FAF1: variants seen among roughly 807,000 people sequenced by gnomAD.
The protein encoded by FAF1 is Fas associated factor 1, also known as FAS-associated factor 1.
A neutral mutation model predicts 92.5 loss-of-function variants in FAF1; 25 were observed. That is an observed-to-expected ratio of 0.27 (90% CI 0.20 to 0.38). FAF1 has a LOEUF of 0.38. Ranked by LOEUF, FAF1 falls within the 10% of genes least tolerant of loss-of-function variation. The probability of loss-of-function intolerance (pLI) is 1.00; values close to 1 mark genes in which losing one functional copy is unlikely to be tolerated. For synonymous variants in FAF1, 234 were observed against 273.2 expected (o/e 0.86, Z 1.42); for missense variants, 636 against 793.3 (o/e 0.80, Z 2.38).
intron 13 of FAF1, among the ~76,000 whole-genome samples, chr1:50,558,650 T>C (rs1649715076): frequency 6.6e-6 from 1 of 152,230 alleles, no homozygotes; most frequent in Non-Finnish European, 1.5e-5. Flanking sequence ...TAAAATGTTA[T>C]TCTTTTGGAA....
At chr1:50,550,311 C>T (rs1222850986) in intron 13 of FAF1, among the ~76,000 whole-genome samples, 2 of 150,092 alleles carry the variant, frequency 1.3e-5, no homozygotes, top group African/African-American at 2.5e-5. Context: ...AGATCGCGCC[C>T]CTGCACTCCA....
At chr1:50,895,233 C>A (rs2124704259) in intron 1 of FAF1, among the ~76,000 whole-genome samples, 2 of 152,206 alleles carry the variant, frequency 1.3e-5, no homozygotes, top group South Asian at 4.2e-4. Context: ...GCTACCATGA[C>A]CACCTACATG....
intron 8 of FAF1, among the ~76,000 whole-genome samples, chr1:50,624,363 T>G (rs1480324195): frequency 6.6e-6 from 1 of 152,172 alleles, no homozygotes; most frequent in Non-Finnish European, 1.5e-5. Context: ...CTGGCCAGGC[T>G]GGTTCGAACT....
Position 50,761,173 on chromosome 1 carries a change from C to A in FAF1, c.368-16398G>T, listed in dbSNP as rs967676145. On this transcript the variant is annotated intron_variant, in intron 4 of 18. Transcript: ENST00000396153. Reference sequence around the variant, plus strand: ...AATCTCTGAATAGACCAATAACAGGCTCTGAAATTGAGGCAATAATCAATA... The same window carrying A: ...AATCTCTGAATAGACCAATAACAGGATCTGAAATTGAGGCAATAATCAATA... 3.3e-5 allele frequency among the ~76,000 whole-genome samples: 5 copies of A among 152,242 alleles called. No homozygotes were observed. In the East Asian group the frequency reaches 7.7e-4, roughly 23 times the overall value.
intron 8 of FAF1, among the ~76,000 whole-genome samples, chr1:50,631,590 G>A (rs1653792779): frequency 6.6e-6 from 1 of 152,132 alleles, no homozygotes; most frequent in Non-Finnish European, 1.5e-5. Flanking sequence ...AAAGGAGAAA[G>A]TTCTTGACTT....
intron 1 of FAF1, among the ~76,000 whole-genome samples, chr1:50,915,178 T>C (rs933497850): frequency 2.0e-5 from 3 of 152,044 alleles, no homozygotes; most frequent in Non-Finnish European, 4.4e-5. Flanking sequence ...TGAGACCAGC[T>C]TGATCAACAT....
rs1170388501 is a variant in FAF1 at position 50,612,292 on chromosome 1, A to G, written c.745-16076T>C. On this transcript the variant is annotated intron_variant, in intron 8 of 18. Transcript: ENST00000396153. ...ACAATCACAACAAATTCAGAGAATC[A>G]AGACGAAATCTTCAGTTACAATGAA... 10 of 1,058,790 alleles carry G rather than the reference A, an allele frequency of 9.4e-6. No individual in the cohort carries two copies. The South Asian group carries it at 1.5e-4, about 16-fold the overall frequency. The allele number at this position is 1,058,790 out of a possible 1,614,324, so 65.6% of individuals were successfully genotyped here.
At chr1:50,839,394 C>T (rs1644238603) in intron 2 of FAF1, among the ~76,000 whole-genome samples, 1 of 152,122 alleles carries the variant, frequency 6.6e-6, no homozygotes, top group African/African-American at 2.4e-5. Flanking sequence ...TATTAATAGA[C>T]TTTAGTCGCA....
In FAF1 at chr1:50,788,200, T is replaced by A. The variant is rs981627149; in HGVS notation, c.167A>T (p.Tyr56Phe). ...AGGTCCTGGTATGGTCTCACCTCCA[T>A]ATTCACTAAAATGTTGACATAAAAG... Reference protein sequence around the residue: ...PQENGILQSEYGGETIPGPAF... With the variant: ...PQENGILQSEFGGETIPGPAF... The change falls in exon 4 of 19, where the codon TAT becomes TTT. Residue 56 changes from tyrosine (Y) to phenylalanine (F), a missense_variant. By Grantham distance (22) the Tyr-to-Phe change is conservative. Around this residue, in one of 2 missense-constraint regions of FAF1, gnomAD observed 317 missense variants for 342.4 expected, o/e 0.93. Transcript: ENST00000396153. 6.2e-7 allele frequency: 1 copy of A among 1,613,080 alleles called. No individual in the cohort carries two copies. The highest frequency in any genetic ancestry group is 1.3e-5 in the African/African-American group (1 of 75,036).
At chr1:50,500,003 G>T (rs1010924039) in intron 15 of FAF1, among the ~76,000 whole-genome samples, 1 of 152,162 alleles carries the variant, frequency 6.6e-6, no homozygotes, top group African/African-American at 2.4e-5. Context: ...AAACACTGCT[G>T]AGAGAAATTA....
intron 3 of FAF1, among the ~76,000 whole-genome samples, chr1:50,800,373 T>C (rs1418403833): frequency 1.3e-5 from 2 of 152,182 alleles, no homozygotes; most frequent in Non-Finnish European, 2.9e-5. Flanking sequence ...TGGAGTGATA[T>C]TTAGCAGTGT....
chr1:50,834,396 A>C (rs1644182487), intron 2 of FAF1, among the ~76,000 whole-genome samples: 1 of 152,218 alleles, frequency 6.6e-6, no homozygotes, highest in African/African-American at 2.4e-5. Context: ...TCGTAAGACC[A>C]CTACCAACAT....
intron 7 of FAF1, among the ~76,000 whole-genome samples, chr1:50,689,749 A>G (rs927496191): frequency 6.6e-6 from 1 of 152,270 alleles, no homozygotes; most frequent in Non-Finnish European, 1.5e-5. Flanking sequence ...AATATCATTC[A>G]GTCTTAATGA....
At chr1:50,791,281 C>G (rs1454271839) in intron 3 of FAF1, among the ~76,000 whole-genome samples, 1 of 152,216 alleles carries the variant, frequency 6.6e-6, no homozygotes, top group South Asian at 2.1e-4. Flanking sequence ...CTTGTCATAA[C>G]TTCTCAGAAC....
intron 4 of FAF1, among the ~76,000 whole-genome samples, chr1:50,755,928 C>T (rs182950733): frequency 9.9e-5 from 15 of 152,276 alleles, no homozygotes; most frequent in Admixed American, 6.5e-4. Context: ...GCACAGGGAC[C>T]CTGGGTCCAG....
At chr1:50,447,313 G>C (rs1177650891) in intron 18 of FAF1, among the ~76,000 whole-genome samples, 2 of 151,904 alleles carry the variant, frequency 1.3e-5, no homozygotes, top group Non-Finnish European at 2.9e-5. Context: ...TTTTAGTAGA[G>C]ACGGGGTTTC....
At chr1:50,657,691 C>T (rs1019298736) in intron 7 of FAF1, among the ~76,000 whole-genome samples, 5 of 152,234 alleles carry the variant, frequency 3.3e-5, no homozygotes, top group African/African-American at 1.2e-4. Flanking sequence ...TCACATTACC[C>T]TTTCTTATAC....
chr1:50,510,136 A>G (rs1208443304), intron 15 of FAF1, among the ~76,000 whole-genome samples: 2 of 150,194 alleles, frequency 1.3e-5, no homozygotes, highest in African/African-American at 4.9e-5. Flanking sequence ...ACTGCACTCT[A>G]GCCTGGGTGA....
chr1:50,598,704 C>A (rs1335546552), intron 8 of FAF1, among the ~76,000 whole-genome samples: 1 of 152,168 alleles, frequency 6.6e-6, no homozygotes, highest in Non-Finnish European at 1.5e-5. Context: ...GGCGCGGTGG[C>A]TCACGCCTGT....
Sources: allele counts gnomAD v4.1 joint callset (sites outside exome capture counted in the v4.1 genomes callset), GRCh38; gene constraint gnomAD v4.1.1; regional missense constraint gnomAD v4.1.1; transcripts MANE v1.5; gene names NCBI Gene and HGNC (gene_info 2026-07-23, HGNC 2026-07-21).